Variants in FBXL7 observed in about 807,000 individuals in gnomAD.
The protein encoded by FBXL7 is F-box and leucine rich repeat protein 7.
FBXL7 carries 12 observed loss-of-function variants against 38.3 expected under a neutral mutation model. The ratio of observed to expected loss-of-function variants is 0.31; its 90% CI spans 0.20 to 0.51. The LOEUF is 0.51. Among genes scored for constraint, FBXL7 ranks in the 20% least tolerant of loss-of-function variants. The pLI is 0.98. For synonymous variants in FBXL7, 297 were observed against 300.9 expected, an observed-to-expected ratio of 0.99 and a Z score of 0.13; for missense variants, 567 against 676.4, an observed-to-expected ratio of 0.84 and a Z score of 1.79.
At chr5:15,625,616 T>C (rs1333772622) in intron 2 of FBXL7, among the ~76,000 whole-genome samples, 1 of 152,142 alleles carries the variant, frequency 6.6e-6, no homozygotes, top group Non-Finnish European at 1.5e-5. Context: ...ATTACACCAC[T>C]GCACACCAGC....
intron 3 of FBXL7, among the ~76,000 whole-genome samples, chr5:15,932,515 C>G (rs79784705): frequency 0.053 from 8,088 of 152,246 alleles, 707 homozygotes; most frequent in African/African-American, 0.18. Context: ...CTATTCCCTA[C>G]TGAATAATAT....
chr5:15,518,316 A>C (rs1181384875), intron 1 of FBXL7, among the ~76,000 whole-genome samples: 1 of 152,154 alleles, frequency 6.6e-6, no homozygotes, highest in Non-Finnish European at 1.5e-5. Context: ...CACAACCTTC[A>C]TACTAGACTC....
chr5:15,527,435 A>G (rs1737283482), intron 1 of FBXL7, among the ~76,000 whole-genome samples: 1 of 152,192 alleles, frequency 6.6e-6, no homozygotes, highest in African/African-American at 2.4e-5. Flanking sequence ...AACGTTTTCA[A>G]TATTATTATG....
intron 1 of FBXL7, among the ~76,000 whole-genome samples, chr5:15,575,389 G>C (rs925417322): frequency 2.0e-5 from 3 of 152,022 alleles, no homozygotes; most frequent in Admixed American, 1.3e-4. Context: ...TTGATTCTTT[G>C]ACGAGCGCAA....
chr5:15,578,778 C>T (rs1739044950), intron 1 of FBXL7, among the ~76,000 whole-genome samples: 1 of 152,212 alleles, frequency 6.6e-6, no homozygotes, highest in Non-Finnish European at 1.5e-5. Context: ...TGTTAAACTT[C>T]TCCTGTCTCA....
intron 2 of FBXL7, among the ~76,000 whole-genome samples, chr5:15,706,635 G>T (rs1398131626): frequency 2.6e-5 from 4 of 152,140 alleles, no homozygotes; most frequent in African/African-American, 9.7e-5. Context: ...AGTGAAGAAG[G>T]CCAGTTATGG....
chr5:15,539,347 A>G (rs974203917), intron 1 of FBXL7, among the ~76,000 whole-genome samples: 1 of 152,186 alleles, frequency 6.6e-6, no homozygotes, highest in Non-Finnish European at 1.5e-5. Flanking sequence ...CCTATACACA[A>G]CAGAAAGCCC....
chr5:15,632,049 T>C (rs1200690944), intron 2 of FBXL7, among the ~76,000 whole-genome samples: 3 of 152,216 alleles, frequency 2.0e-5, no homozygotes, highest in Non-Finnish European at 2.9e-5. Context: ...CTCTAGGAGA[T>C]ACAGTAAGAT....
chr5:15,920,274 T>C (rs1178935134), intron 2 of FBXL7, among the ~76,000 whole-genome samples: 1 of 151,016 alleles, frequency 6.6e-6, no homozygotes, highest in East Asian at 1.9e-4. Flanking sequence ...AAAAAATTGC[T>C]TTATAATCTA....
chr5:15,670,192 A>C, intron 2 of FBXL7, among the ~76,000 whole-genome samples: 1 of 152,258 alleles, frequency 6.6e-6, no homozygotes, highest in East Asian at 1.9e-4. Flanking sequence ...CAACTGCAAC[A>C]GAAAAAGTCT....
chr5:15,669,668 C>T lies in FBXL7; in HGVS notation c.127+53596C>T, dbSNP rs541676014. On this transcript the variant is annotated intron_variant, in intron 2 of 3. Transcript: ENST00000504595. ...CGTATTCTTCCTAACAGGTATCACC[C>T]GTGCTCCCTCCCACCCATAAGTTAC... 2.2e-4 allele frequency among the ~76,000 whole-genome samples: 34 copies of T among 152,274 alleles called. No individual in the cohort carries two copies. The South Asian group carries it at 6.2e-3, about 28-fold the overall frequency.
chr5:15,817,523 C>G (rs997559344), intron 2 of FBXL7, among the ~76,000 whole-genome samples: 6 of 152,088 alleles, frequency 3.9e-5, no homozygotes, highest in Non-Finnish European at 7.4e-5. Context: ...TGGCTATGTC[C>G]CCATCCAAAT....
At chr5:15,542,886 CT>C (rs1246425733) in intron 1 of FBXL7, among the ~76,000 whole-genome samples, 1 of 152,146 alleles carries the variant, frequency 6.6e-6, no homozygotes. Context: ...CAGAGTTGTG[CT>C]TTCAGAGTAC....
At chr5:15,760,420 GAAAAGCAAAAAAAAAA>G (rs1736407901) in intron 2 of FBXL7, among the ~76,000 whole-genome samples, 1 of 135,934 alleles carries the variant, frequency 7.4e-6, no homozygotes, top group Non-Finnish European at 1.6e-5. Context: ...TTGCATTTTG[GAAAAGCAAAAAAAAAA>G]AAAAGAAAAA....
At chr5:15,537,929 A>G (rs897017313) in intron 1 of FBXL7, among the ~76,000 whole-genome samples, 8 of 152,226 alleles carry the variant, frequency 5.3e-5, no homozygotes, top group Non-Finnish European at 4.4e-5. Flanking sequence ...AAAGGGCCTC[A>G]TTTGTATCAA....
At chr5:15,917,218 C>G (rs997291534) in intron 2 of FBXL7, among the ~76,000 whole-genome samples, 11 of 152,160 alleles carry the variant, frequency 7.2e-5, no homozygotes, top group Admixed American at 6.5e-4. Context: ...CTCACCACTT[C>G]AACCGATATT....
intron 1 of FBXL7, among the ~76,000 whole-genome samples, chr5:15,540,274 A>C (rs1196727330): frequency 6.6e-6 from 1 of 152,214 alleles, no homozygotes; most frequent in Non-Finnish European, 1.5e-5. Flanking sequence ...TCAGAATTTT[A>C]AATTTGCATG....
At chr5:15,800,597 G>T (rs1737537877) in intron 2 of FBXL7, among the ~76,000 whole-genome samples, 1 of 152,088 alleles carries the variant, frequency 6.6e-6, no homozygotes, top group Non-Finnish European at 1.5e-5. Flanking sequence ...ACCTAAAAAG[G>T]CAGGTATTTT....
intron 2 of FBXL7, among the ~76,000 whole-genome samples, chr5:15,714,777 A>G (rs1743987864): frequency 7.1e-6 from 1 of 140,544 alleles, no homozygotes; most frequent in Admixed American, 7.6e-5. Context: ...TGAACCTGGG[A>G]GGCAGAGCTT....
Sources: allele counts gnomAD v4.1 joint callset (sites outside exome capture counted in the v4.1 genomes callset), GRCh38; gene constraint gnomAD v4.1.1; transcripts MANE v1.5; gene names NCBI Gene and HGNC (gene_info 2026-07-23, HGNC 2026-07-21).